The following DYDC1 variants were observed in gnomAD, a reference collection of about 807,000 sequenced individuals.
DYDC1 encodes DPY30 domain containing 1, also known as DPY30 domain-containing protein 1.
In DYDC1, 21 loss-of-function variants were observed where a neutral mutation model predicts 27.9. That is an observed-to-expected ratio of 0.75 (90% CI 0.53 to 1.08). The LOEUF (loss-of-function observed/expected upper bound fraction) is 1.08, where lower values mean the gene tolerates loss of function less well. Ranked by LOEUF, DYDC1 falls within the 50% of genes least tolerant of loss-of-function variation. The pLI is 0.00. For missense variants in DYDC1, 202 were observed against 205.9 expected (o/e 0.98, Z 0.12); for synonymous variants, 67 against 65.8 (o/e 1.02, Z -0.09).
At chr10:80,356,406 G>C (rs1040166589) in intron 1 of DYDC1, 1 of 985,472 alleles carries the variant, frequency 1.0e-6, no homozygotes, top group Non-Finnish European at 1.2e-6. Flanking sequence ...GGGGGCACCC[G>C]GGCAGGGGTG....
chr10:80,348,524 A>G (rs1476053598), intron 3 of DYDC1, among the ~76,000 whole-genome samples: 9 of 152,256 alleles, frequency 5.9e-5, no homozygotes, highest in Admixed American at 5.9e-4. Flanking sequence ...CTAGAACAGG[A>G]TATTAGATCT....
intron 6 of DYDC1, chr10:80,337,365 A>G (rs1842167764): frequency 1.0e-6 from 1 of 985,464 alleles, no homozygotes; most frequent in African/African-American, 1.7e-5. Flanking sequence ...AACAATTAGC[A>G]CTGAGTCTGT....
intron 3 of DYDC1, among the ~76,000 whole-genome samples, chr10:80,348,440 C>T (rs1564664164): frequency 6.6e-6 from 1 of 152,208 alleles, no homozygotes. Flanking sequence ...AGTAAACTCA[C>T]TTCAACAACA....
intron 5 of DYDC1, 21 bp from the exon 6 acceptor site, chr10:80,338,592 T>C: frequency 1.3e-6 from 2 of 1,525,574 alleles, no homozygotes; most frequent in Non-Finnish European, 1.8e-6. Context: ...AAAATTGATT[T>C]TTACTTTTAA....
intron 4 of DYDC1, among the ~76,000 whole-genome samples, chr10:80,340,076 CGTTAAGGCCCAT>C (rs1033551113): frequency 2.0e-5 from 3 of 152,150 alleles, no homozygotes; most frequent in African/African-American, 7.2e-5. Context: ...CCTCAGAAGC[CGTTAAGGCCCAT>C]GTTCCCTACC....
chr10:80,348,159 A>G (rs1028410665), intron 3 of DYDC1, among the ~76,000 whole-genome samples: 3 of 152,208 alleles, frequency 2.0e-5, no homozygotes, highest in Non-Finnish European at 4.4e-5. Flanking sequence ...TTCAAGGTAT[A>G]GATGTTTCAC....
rs1842356632 is a variant in DYDC1 at position 80,342,280 on chromosome 10, G to T, written c.331C>A (p.Gln111Lys). 1 of 1,613,576 alleles carries T rather than the reference G, an allele frequency of 6.2e-7. No homozygotes were observed. The highest frequency in any genetic ancestry group is 1.7e-5 in the Admixed American group (1 of 59,954). Residue 111 changes from glutamine (Q) to lysine (K), a missense_variant, in exon 4 of 7, where the codon CAA (glutamine) becomes AAA (lysine). Gln to Lys is a moderately conservative substitution (Grantham distance 53). Coordinates refer to ENST00000372202, the MANE Select transcript of DYDC1 (RefSeq NM_001269053.2). ...AAACTTCAAATTACCTTGCCTAATT[G>T]TTCTTGAGCTCTCTGTAGTTCTTGT... ...RIQELQRAQE[Q>K]LGKEMRMNME...
chr10:80,343,011 A>C (rs951558468), intron 3 of DYDC1, among the ~76,000 whole-genome samples: 2 of 151,720 alleles, frequency 1.3e-5, no homozygotes, highest in African/African-American at 4.8e-5. Flanking sequence ...AAAGAAGAAA[A>C]AAGAATATCA....
At chr10:80,352,150 A>T (rs1388037818) in intron 2 of DYDC1, 148 bp from the exon 3 acceptor site, 1 of 785,434 alleles carries the variant, frequency 1.3e-6, no homozygotes, top group Non-Finnish European at 2.0e-6. Flanking sequence ...ATAATTTGGG[A>T]AGATATTTTA....
chr10:80,352,377 A>G, intron 2 of DYDC1, 78 bp downstream of exon 2: 1 of 1,399,062 alleles, frequency 7.1e-7, no homozygotes, highest in Non-Finnish European at 9.3e-7. Context: ...AAAAATAATA[A>G]TGTTAAACTT....
chr10:80,342,843 G>A (rs955064861), intron 3 of DYDC1, among the ~76,000 whole-genome samples: 1 of 151,888 alleles, frequency 6.6e-6, no homozygotes, highest in Non-Finnish European at 1.5e-5. Context: ...TAGCTGGGCA[G>A]GGTGGCACAT....
intron 4 of DYDC1, among the ~76,000 whole-genome samples, chr10:80,341,938 C>T (rs1369316479): frequency 2.0e-5 from 3 of 150,176 alleles, no homozygotes; most frequent in Non-Finnish European, 4.4e-5. Flanking sequence ...GCAGGAGAAT[C>T]ACTTGAACCT....
At chr10:80,341,999 G>A (rs1397605706) in intron 4 of DYDC1, among the ~76,000 whole-genome samples, 1 of 145,696 alleles carries the variant, frequency 6.9e-6, no homozygotes, top group Non-Finnish European at 1.5e-5. Flanking sequence ...ACTTCAGCCT[G>A]GGCAACAAGA....
intron 3 of DYDC1, among the ~76,000 whole-genome samples, chr10:80,345,569 C>T (rs754142484): frequency 8.5e-5 from 13 of 152,138 alleles, no homozygotes; most frequent in Non-Finnish European, 1.5e-4. Context: ...CCTACATCTC[C>T]TCATTCTTCT....
chr10:80,340,958 C>T (rs2132750601), intron 4 of DYDC1, among the ~76,000 whole-genome samples: 1 of 152,192 alleles, frequency 6.6e-6, no homozygotes, highest in Non-Finnish European at 1.5e-5. Context: ...GGGCTTTTAT[C>T]CTTTTAAAAA....
intron 6 of DYDC1, chr10:80,338,065 G>A (rs969906979): frequency 2.4e-5 from 24 of 984,730 alleles, no homozygotes; most frequent in Non-Finnish European, 2.9e-5. Context: ...GATGTGGCAT[G>A]TTTCTTAAAT....
In DYDC1 at chr10:80,343,490, A is replaced by G. The variant is rs553089969; in HGVS notation, c.250-1129T>C. 5.3e-5 allele frequency among the ~76,000 whole-genome samples: 8 copies of G among 152,222 alleles called. No homozygotes were observed. In the South Asian group the frequency reaches 8.3e-4, roughly 16 times the overall value. ...TTATATCCATTATGTCAAAACAAGA[A>G]AGCCAGGGATGGGTGGCTTATTCCT... On this transcript the variant is annotated intron_variant, in intron 3 of 6. Transcript: ENST00000372202.
intron 1 of DYDC1, chr10:80,354,543 T>C (rs973686388): frequency 6.6e-6 from 1 of 151,444 alleles, no homozygotes; most frequent in Non-Finnish European, 1.5e-5. Flanking sequence ...TGATAGGTAC[T>C]GGGAATACAA....
chr10:80,353,073 A>G (rs1274159961), intron 1 of DYDC1, among the ~76,000 whole-genome samples: 1 of 151,952 alleles, frequency 6.6e-6, no homozygotes, highest in Non-Finnish European at 1.5e-5. Context: ...CAAAACCCTA[A>G]CCCTAAAGAC....
Sources: allele counts gnomAD v4.1 joint callset (sites outside exome capture counted in the v4.1 genomes callset), GRCh38; gene constraint gnomAD v4.1.1; transcripts MANE v1.5; gene names NCBI Gene and HGNC (gene_info 2026-07-23, HGNC 2026-07-21).